The following GPC5 variants were observed in gnomAD, a reference collection of about 807,000 sequenced individuals.
GPC5 encodes the protein glypican-5.
In GPC5, 47 loss-of-function variants were observed where a neutral mutation model predicts 53.9. The observed-to-expected ratio is 0.87, with a 90% CI of 0.69 to 1.11. The LOEUF (loss-of-function observed/expected upper bound fraction) is 1.11, where lower values mean the gene tolerates loss of function less well. GPC5 is among the 50% of genes most tolerant of loss of function. GPC5 has a pLI of 0.00. For synonymous variants in GPC5, 286 were observed against 263.3 expected (o/e 1.09, Z -0.84); for missense variants, 748 against 713.1 (o/e 1.05, Z -0.56).
At chr13:91,599,206 C>T (rs2033096267) in intron 2 of GPC5, among the ~76,000 whole-genome samples, 1 of 151,988 alleles carries the variant, frequency 6.6e-6, no homozygotes, top group African/African-American at 2.4e-5. Flanking sequence ...TTATAATTAT[C>T]CTTGCAGAGA....
At chr13:92,465,306 T>C (rs1878647220) in intron 7 of GPC5, among the ~76,000 whole-genome samples, 1 of 152,044 alleles carries the variant, frequency 6.6e-6, no homozygotes, top group African/African-American at 2.4e-5. Context: ...ATTCAAGAAA[T>C]TCTATTGGAA....
At chr13:92,004,458 T>TTTTATATATATATATATATA (rs1491510192) in intron 6 of GPC5, among the ~76,000 whole-genome samples, 4 of 82,526 alleles carry the variant, frequency 4.8e-5, no homozygotes, top group African/African-American at 1.2e-4. Flanking sequence ...AAAAAAAAAA[T>TTTTATATATATATATATATA]TATATATATA....
intron 7 of GPC5, among the ~76,000 whole-genome samples, chr13:92,172,397 C>T (rs1028180121): frequency 8.5e-5 from 13 of 152,134 alleles, no homozygotes; most frequent in African/African-American, 2.7e-4. Flanking sequence ...GGTAAAACCA[C>T]GGGATGACTC....
intron 2 of GPC5, among the ~76,000 whole-genome samples, chr13:91,506,527 A>G (rs984863780): frequency 2.0e-5 from 3 of 152,166 alleles, no homozygotes; most frequent in African/African-American, 7.2e-5. Flanking sequence ...AAATTCTGAA[A>G]GCATGTAAGA....
At chr13:92,824,723 T>C (rs1260223948) in intron 7 of GPC5, among the ~76,000 whole-genome samples, 1 of 5,362 alleles carries the variant, frequency 1.9e-4, no homozygotes, top group Non-Finnish European at 4.6e-4. Context: ...GCAAATGCCT[T>C]TTGAAAAAAA....
intron 1 of GPC5, among the ~76,000 whole-genome samples, chr13:91,427,299 A>T (rs962324495): frequency 6.6e-6 from 1 of 152,214 alleles, no homozygotes; most frequent in Admixed American, 6.5e-5. Context: ...AGCCTGTGAA[A>T]GCAGCCAGGA....
chr13:92,480,133 A>T (rs563392723), intron 7 of GPC5, among the ~76,000 whole-genome samples: 1 of 152,154 alleles, frequency 6.6e-6, no homozygotes, highest in African/African-American at 2.4e-5. Flanking sequence ...AAATAAAAAC[A>T]AAAGACTACA....
At chr13:92,146,177 G>C (rs1382509436) in intron 7 of GPC5, among the ~76,000 whole-genome samples, 1 of 152,118 alleles carries the variant, frequency 6.6e-6, no homozygotes, top group East Asian at 1.9e-4. Flanking sequence ...CTTAGTGCTA[G>C]TTAAATATAT....
At chr13:91,786,202 G>A (rs774377960) in intron 5 of GPC5, among the ~76,000 whole-genome samples, 1 of 152,080 alleles carries the variant, frequency 6.6e-6, no homozygotes, top group Non-Finnish European at 1.5e-5. Context: ...TCACCATGTT[G>A]GTCACGCTGG....
At chr13:92,853,106 G>A (rs952533982) in intron 7 of GPC5, among the ~76,000 whole-genome samples, 1 of 151,962 alleles carries the variant, frequency 6.6e-6, no homozygotes, top group Non-Finnish European at 1.5e-5. Context: ...TGTATAACAT[G>A]AAAAATGGTT....
At chr13:91,512,652 C>T (rs867394293) in intron 2 of GPC5, among the ~76,000 whole-genome samples, 3 of 152,084 alleles carry the variant, frequency 2.0e-5, no homozygotes, top group Non-Finnish European at 4.4e-5. Context: ...GGCTGGGGCT[C>T]CTCAGTATGG....
At chr13:92,210,236 G>A (rs540967765) in intron 7 of GPC5, among the ~76,000 whole-genome samples, 2 of 152,088 alleles carry the variant, frequency 1.3e-5, no homozygotes, top group Non-Finnish European at 2.9e-5. Flanking sequence ...TTACATTGAT[G>A]AGACCCTATT....
chr13:91,779,269 A>G, intron 5 of GPC5, among the ~76,000 whole-genome samples: 1 of 152,238 alleles, frequency 6.6e-6, no homozygotes, highest in East Asian at 1.9e-4. Flanking sequence ...GTCTTTTGTA[A>G]TAACACTTAG....
intron 7 of GPC5, among the ~76,000 whole-genome samples, chr13:92,232,069 C>T (rs1051551806): frequency 2.0e-5 from 3 of 152,106 alleles, no homozygotes; most frequent in Non-Finnish European, 2.9e-5. Context: ...AATGTTAGCA[C>T]CTTATTATTA....
At chr13:92,373,578 G>A (rs182496518) in intron 7 of GPC5, among the ~76,000 whole-genome samples, 1 of 152,140 alleles carries the variant, frequency 6.6e-6, no homozygotes, top group Non-Finnish European at 1.5e-5. Context: ...TTGTTTTCTG[G>A]TAGATGCTTT....
intron 5 of GPC5, among the ~76,000 whole-genome samples, chr13:91,881,925 G>C: frequency 6.6e-6 from 1 of 152,124 alleles, no homozygotes; most frequent in South Asian, 2.1e-4. Flanking sequence ...TTAAAAATCA[G>C]GGAGTTTTCT....
At chr13:91,400,279 G>A (rs1267560412) in intron 1 of GPC5, among the ~76,000 whole-genome samples, 1 of 152,154 alleles carries the variant, frequency 6.6e-6, no homozygotes, top group Admixed American at 6.5e-5. Flanking sequence ...GGAAGTGTGA[G>A]CTGTAGCCGC....
chr13:92,249,170 C>T (rs2042674736), intron 7 of GPC5, among the ~76,000 whole-genome samples: 2 of 151,986 alleles, frequency 1.3e-5, no homozygotes, highest in South Asian at 2.1e-4. Flanking sequence ...TTTTGTATTA[C>T]AAACAGTCTA....
At chr13:91,416,393 C>G (rs1166524320) in intron 1 of GPC5, among the ~76,000 whole-genome samples, 3 of 152,086 alleles carry the variant, frequency 2.0e-5, no homozygotes, top group Admixed American at 2.0e-4. Flanking sequence ...CTTGAAGAGT[C>G]ACAATACATA....
Sources: allele counts gnomAD v4.1 joint callset (sites outside exome capture counted in the v4.1 genomes callset), GRCh38; gene constraint gnomAD v4.1.1; transcripts MANE v1.5; gene names NCBI Gene and HGNC (gene_info 2026-07-23, HGNC 2026-07-21).